The following DNAJC3 variants were observed in gnomAD, a reference collection of about 807,000 sequenced individuals.
DNAJC3 encodes dnaJ homolog subfamily C member 3.
DNAJC3 carries 38 observed loss-of-function variants against 68.6 expected under a neutral mutation model. The observed-to-expected ratio is 0.55, with a 90% CI of 0.43 to 0.73. The LOEUF is 0.73. DNAJC3 is among the 30% of genes least tolerant of loss of function. The pLI is 0.00. For synonymous variants in DNAJC3, 203 were observed against 204.0 expected (o/e 1.00, Z 0.04); for missense variants, 526 against 591.9 (o/e 0.89, Z 1.16).
rs1043582038 is a variant in DNAJC3, at chr13:95,792,208, G to C, written c.*1178G>C. The C allele has an allele frequency of 3.9e-5, 6 of 152,154 alleles. No individual in the cohort carries two copies. Among genetic ancestry groups the C allele is most frequent in the Non-Finnish European group, 7.3e-5 (5 of 68,034 alleles). 9.4% of individuals were successfully genotyped at this position (152,154 alleles called of 1,614,324 possible). A position where few individuals can be genotyped will look rare whatever the true frequency, so the allele number is the denominator to read the frequency against. ...TTAATAAGATGGCATCTCCTCTTGAGATATGTTCTTCTTACCTTTTAAGAA... is the reference window on the plus strand; with the variant it reads ...TTAATAAGATGGCATCTCCTCTTGACATATGTTCTTCTTACCTTTTAAGAA... On this transcript the variant is annotated 3_prime_UTR_variant, in exon 12 of 12. Transcript: ENST00000602402.
chr13:95,744,747 C>T (rs953513669), intron 4 of DNAJC3: 2 of 152,028 alleles, frequency 1.3e-5, no homozygotes, highest in Admixed American at 6.6e-5. Flanking sequence ...ACCTTGATTC[C>T]ACAGGACAGA....
At chr13:95,737,580 T>C (rs1881968211) in intron 4 of DNAJC3, among the ~76,000 whole-genome samples, 2 of 152,044 alleles carry the variant, frequency 1.3e-5, no homozygotes, top group Admixed American at 6.5e-5. Flanking sequence ...ATTTATCCAT[T>C]TCTTCTAGAT....
At chr13:95,696,913 T>G (rs1880456520) in intron 1 of DNAJC3, among the ~76,000 whole-genome samples, 1 of 152,282 alleles carries the variant, frequency 6.6e-6, no homozygotes, top group South Asian at 2.1e-4. Flanking sequence ...GCCTGGCTAA[T>G]TTTTTGAATT....
chr13:95,727,874 C>T (rs1593983772), intron 4 of DNAJC3, among the ~76,000 whole-genome samples: 1 of 152,142 alleles, frequency 6.6e-6, no homozygotes, highest in African/African-American at 2.4e-5. Flanking sequence ...TCCTGTTACC[C>T]TTTGTAACCA....
intron 1 of DNAJC3, among the ~76,000 whole-genome samples, chr13:95,689,127 CTTTGATT>C (rs1566466805): frequency 1.5e-5 from 2 of 136,698 alleles, no homozygotes. Flanking sequence ...AATCCTTCCT[CTTTGATT>C]TTTTTTTTTT....
intron 1 of DNAJC3, among the ~76,000 whole-genome samples, chr13:95,696,073 T>C (rs1880431599): frequency 6.6e-6 from 1 of 152,196 alleles, no homozygotes. Flanking sequence ...TATAAGCATG[T>C]ACTAACAATC....
At chr13:95,790,741 G>A in intron 11 of DNAJC3, 132 bp from the exon 12 acceptor site, 1 of 1,037,260 alleles carries the variant, frequency 9.6e-7, no homozygotes, top group Admixed American at 3.1e-5. Context: ...TTGAATGTCA[G>A]GCACAACTCT....
chr13:95,768,801 C>G (rs1486568832), intron 9 of DNAJC3, among the ~76,000 whole-genome samples: 1 of 151,906 alleles, frequency 6.6e-6, no homozygotes, highest in Non-Finnish European at 1.5e-5. Flanking sequence ...ATGGTGAAAC[C>G]CTGTCTCTAC....
chr13:95,786,020 T>G lies in DNAJC3; in HGVS notation c.1157T>G (p.Leu386Ter). ...IREGLEKAQR[L>*]LKQSQKRDYY... ...GAAGGTCTAGAGAAAGCACAAAGATTATTGAAACAGTCGCAGAAACGAGAT... is the reference window on the plus strand; with the variant it reads ...GAAGGTCTAGAGAAAGCACAAAGATGATTGAAACAGTCGCAGAAACGAGAT... Residue 386 changes from leucine to a stop codon, truncating the protein, a stop_gained, in exon 10 of 12, where the codon TTA (leucine) becomes TGA (stop). Coordinates refer to ENST00000602402, the MANE Select transcript of DNAJC3 (RefSeq NM_006260.5). LOFTEE classifies it high-confidence loss of function. The G allele has an allele frequency of 6.2e-7, 1 of 1,611,520 alleles. No homozygotes were observed. The highest frequency in any genetic ancestry group is 2.2e-5 in the East Asian group (1 of 44,718).
intron 9 of DNAJC3, among the ~76,000 whole-genome samples, chr13:95,768,748 G>A (rs549081899): frequency 9.9e-5 from 15 of 151,928 alleles, no homozygotes; most frequent in Non-Finnish European, 1.8e-4. Context: ...GCCGAGGTGG[G>A]TGGATCACCT....
chr13:95,771,468 G>A lies in DNAJC3; in HGVS notation c.1075+7515G>A, dbSNP rs539035450. On this transcript the variant is annotated intron_variant, in intron 9 of 11. Transcript: ENST00000602402. Reference sequence around the variant, plus strand: ...GATTTATAACCAAGGAGCAGAGTTGGGGGTCAGTGGGTGGGATTCTTGCTA... The same window carrying A: ...GATTTATAACCAAGGAGCAGAGTTGAGGGTCAGTGGGTGGGATTCTTGCTA... Among the ~76,000 whole-genome samples the A allele has an allele frequency of 3.3e-5, 5 of 152,254 alleles. No homozygotes were observed. The East Asian group carries it at 9.7e-4, about 29-fold the overall frequency.
intron 1 of DNAJC3, among the ~76,000 whole-genome samples, chr13:95,681,002 G>T (rs1276656448): frequency 2.0e-5 from 3 of 152,172 alleles, no homozygotes; most frequent in Non-Finnish European, 4.4e-5. Flanking sequence ...GTCAGCAAAG[G>T]CTTTTACTAA....
intron 4 of DNAJC3, among the ~76,000 whole-genome samples, chr13:95,756,046 G>GA (rs1882653108): frequency 6.6e-6 from 1 of 152,024 alleles, no homozygotes; most frequent in Non-Finnish European, 1.5e-5. Context: ...CTTCCAACAA[G>GA]AAAAATTGTG....
chr13:95,715,686 C>G (rs1881116132), intron 2 of DNAJC3, among the ~76,000 whole-genome samples: 1 of 150,932 alleles, frequency 6.6e-6, no homozygotes, highest in Non-Finnish European at 1.5e-5. Flanking sequence ...CGGGGTTTCA[C>G]CATGTTGGCG....
chr13:95,781,819 TTTTAC>T (rs1297808022), intron 9 of DNAJC3, among the ~76,000 whole-genome samples: 3 of 152,168 alleles, frequency 2.0e-5, no homozygotes, highest in South Asian at 4.1e-4. Flanking sequence ...GTTTTTTTTT[TTTTAC>T]TTTAAGTTCT....
At chr13:95,750,642 T>TG (rs1443969681) in intron 4 of DNAJC3, among the ~76,000 whole-genome samples, 6 of 151,910 alleles carry the variant, frequency 3.9e-5, no homozygotes. Flanking sequence ...CCTAAGTAGC[T>TG]GGGATTACAG....
At position 95,760,065 on chromosome 13, in the gene DNAJC3, G is replaced by A. The variant is rs756553106; in HGVS notation, c.572G>A (p.Arg191Gln). Reference sequence around the variant, plus strand: ...GTTTGTGTTTGGGATGCAGAACTACGGGAACTTCGAGCTGAATGTTTTATA... The same window carrying A: ...GTTTGTGTTTGGGATGCAGAACTACAGGAACTTCGAGCTGAATGTTTTATA... ...LEVCVWDAELRELRAECFIKE... is the reference protein window; with the variant it reads ...LEVCVWDAELQELRAECFIKE... Residue 191 changes from arginine (R) to glutamine (Q), a missense_variant, in exon 6 of 12, where the codon CGG (arginine) becomes CAG (glutamine). Transcript: ENST00000602402. 9 of 1,604,910 alleles carry A rather than the reference G, an allele frequency of 5.6e-6. No individual in the cohort carries two copies. Among genetic ancestry groups the A allele is most frequent in the South Asian group, 1.1e-5 (1 of 89,674 alleles).
chr13:95,788,294 C>CACAGGTGTGATAGTGTAT (rs1350044426), intron 11 of DNAJC3, among the ~76,000 whole-genome samples: 2 of 152,190 alleles, frequency 1.3e-5, no homozygotes, highest in African/African-American at 2.4e-5. Context: ...TTGTGCAGTG[C>CACAGGTGTGATAGTGTAT]ACAGGTGTGA....
At chr13:95,678,022 G>T (rs1225110981) in intron 1 of DNAJC3, among the ~76,000 whole-genome samples, 1 of 152,148 alleles carries the variant, frequency 6.6e-6, no homozygotes, top group Admixed American at 6.5e-5. Context: ...GCTGTAAAAA[G>T]GTTCCCTTAA....
Sources: gnomAD v4.1 joint callset for allele counts (sites outside exome capture counted in the v4.1 genomes callset) on GRCh38, gnomAD v4.1.1 for gene constraint, MANE v1.5 for transcripts, NCBI Gene and HGNC (gene_info 2026-07-23, HGNC 2026-07-21) for gene names.